The following FRMD6 variants were observed in gnomAD, a reference collection of about 807,000 sequenced individuals.
The protein encoded by FRMD6 is FERM domain-containing protein 6.
A neutral mutation model predicts 73.2 loss-of-function variants in FRMD6; 37 were observed. That is an observed-to-expected ratio of 0.51 (90% CI 0.39 to 0.66). FRMD6 has a LOEUF of 0.66. Among genes scored for constraint, FRMD6 ranks in the 30% least tolerant of loss-of-function variants. FRMD6 has a pLI of 0.00. For missense variants in FRMD6, 714 were observed against 780.5 expected (o/e 0.91, Z 1.02); for synonymous variants, 273 against 282.2 (o/e 0.97, Z 0.33).
At chr14:51,548,165 G>A (rs1448189173) in intron 1 of FRMD6, among the ~76,000 whole-genome samples, 1 of 152,108 alleles carries the variant, frequency 6.6e-6, no homozygotes, top group East Asian at 1.9e-4. Context: ...GTATCACTAA[G>A]GCTAAACAAC....
In FRMD6 at chr14:51,519,706, A is replaced by G. The variant is rs113949566; in HGVS notation, c.-210+30286A>G. ...CTGTAATGAAATAGTGTCTGTACTC[A>G]TTGCTGACTTTGTGCAGTGAAGAAG... On this transcript the variant is annotated intron_variant, in intron 1 of 14. Coordinates refer to the FRMD6 transcript ENST00000356218. 4.4e-3 allele frequency among the ~76,000 whole-genome samples: 673 copies of G among 152,268 alleles called. 2 individuals carry two copies. The highest frequency in any genetic ancestry group is 0.016 in the African/African-American group (649 of 41,550).
At chr14:51,420,155 A>T in the FRMD6 span, among the ~76,000 whole-genome samples, 1 of 152,258 alleles carries the variant, frequency 6.6e-6, no homozygotes, top group African/African-American at 2.4e-5. Flanking sequence ...ATAAAGTAAC[A>T]GATCCTTTAT....
rs1172824200 is a variant in FRMD6, at chr14:51,727,835, G to T, written c.1675G>T (p.Ala559Ser). Residue 559 changes from alanine (A) to serine (S), a missense_variant, in exon 14 of 14, where the codon GCA becomes TCA. By Grantham distance (99) the Ala-to-Ser change is moderately conservative. Coordinates refer to ENST00000344768, the MANE Select transcript of FRMD6 (RefSeq NM_001267046.2). ...TTACCAGAAAGACTTCCTGCGCATT[G>T]CAGGTCTGTGTCAGGACACTGCTCA... Reference protein sequence around the residue: ...RLYQKDFLRIAGLCQDTAQSY... With the variant: ...RLYQKDFLRISGLCQDTAQSY... The T allele has an allele frequency of 6.2e-7, 1 of 1,614,168 alleles. No homozygotes were observed.
chr14:51,582,317 A>C (rs1288385071), intron 2 of FRMD6, among the ~76,000 whole-genome samples: 2 of 152,130 alleles, frequency 1.3e-5, no homozygotes, highest in Non-Finnish European at 2.9e-5. Context: ...GTCCGTCAGG[A>C]TAGTCCGTCG....
At chr14:51,671,704 C>G (rs187677333) in intron 1 of FRMD6, among the ~76,000 whole-genome samples, 1 of 152,094 alleles carries the variant, frequency 6.6e-6, no homozygotes, top group Non-Finnish European at 1.5e-5. Flanking sequence ...TTTATGGGGA[C>G]AGTGCCCTAA....
intron 1 of FRMD6, among the ~76,000 whole-genome samples, chr14:51,653,790 T>G (rs1156643519): frequency 6.6e-6 from 1 of 152,238 alleles, no homozygotes; most frequent in African/African-American, 2.4e-5. Flanking sequence ...ATGAGACAGC[T>G]GGCATTTGAA....
At chr14:51,677,381 G>T (rs1488602443) in intron 1 of FRMD6, among the ~76,000 whole-genome samples, 1 of 151,968 alleles carries the variant, frequency 6.6e-6, no homozygotes, top group Non-Finnish European at 1.5e-5. Context: ...CTAGAAAACT[G>T]CAGTTCCTGT....
chr14:51,611,640 C>G (rs918916623), intron 2 of FRMD6, among the ~76,000 whole-genome samples: 2 of 152,152 alleles, frequency 1.3e-5, no homozygotes, highest in South Asian at 2.1e-4. Context: ...TAGGGTAGGG[C>G]CCAAGAATCT....
intron 1 of FRMD6, among the ~76,000 whole-genome samples, chr14:51,652,440 GC>G (rs1320590607): frequency 6.6e-6 from 1 of 152,148 alleles, no homozygotes; most frequent in Non-Finnish European, 1.5e-5. Flanking sequence ...TCCCTGGCGG[GC>G]CCCGGCACCC....
At chr14:51,402,860 G>A in the FRMD6 span, among the ~76,000 whole-genome samples, 4 of 152,022 alleles carry the variant, frequency 2.6e-5, no homozygotes, top group Non-Finnish European at 5.9e-5. Flanking sequence ...GGATGGTCTC[G>A]ATCTCCTAAC....
chr14:51,554,170 G>A (rs908323858), intron 1 of FRMD6, among the ~76,000 whole-genome samples: 5 of 152,102 alleles, frequency 3.3e-5, no homozygotes, highest in African/African-American at 7.2e-5. Flanking sequence ...GCTCCCAATG[G>A]CCAAAGCTGG....
the FRMD6 span, among the ~76,000 whole-genome samples, chr14:51,405,256 T>C: frequency 6.6e-6 from 1 of 152,232 alleles, no homozygotes. Context: ...TGTGTCTTTA[T>C]GGTAGAATGA....
chr14:51,630,188 A>G (rs1891283028), intron 2 of FRMD6, among the ~76,000 whole-genome samples: 1 of 152,142 alleles, frequency 6.6e-6, no homozygotes, highest in African/African-American at 2.4e-5. Context: ...AGAGGAAAAG[A>G]GAGGAAAGCA....
intron 2 of FRMD6, among the ~76,000 whole-genome samples, chr14:51,697,097 C>T (rs1286860383): frequency 6.6e-6 from 1 of 152,114 alleles, no homozygotes; most frequent in African/African-American, 2.4e-5. Context: ...TTATGGAAAG[C>T]AGTATGGGGG....
intron 1 of FRMD6, among the ~76,000 whole-genome samples, chr14:51,549,576 A>G (rs983619529): frequency 2.8e-5 from 4 of 143,306 alleles, no homozygotes; most frequent in Admixed American, 7.0e-5. Context: ...CAGCTGGAGT[A>G]TAAACTTTTT....
intron 1 of FRMD6, among the ~76,000 whole-genome samples, chr14:51,562,390 G>C (rs1368897594): frequency 6.6e-6 from 1 of 152,150 alleles, no homozygotes; most frequent in African/African-American, 2.4e-5. Flanking sequence ...CATGCATATT[G>C]CTCAGGCCAC....
chr14:51,436,916 G>C, the FRMD6 span: 1 of 996,508 alleles, frequency 1.0e-6, no homozygotes, highest in South Asian at 1.4e-5. Flanking sequence ...AGAAGAAGAA[G>C]ATGATGATGA....
intron 1 of FRMD6, among the ~76,000 whole-genome samples, chr14:51,682,182 T>A (rs1894847050): frequency 6.6e-6 from 1 of 152,212 alleles, no homozygotes; most frequent in African/African-American, 2.4e-5. Context: ...TACTTATATA[T>A]TCCCTGTAAG....
At chr14:51,652,325 T>G (rs1314939339) in intron 1 of FRMD6, 2 of 152,668 alleles carry the variant, frequency 1.3e-5, no homozygotes, top group Non-Finnish European at 2.9e-5. Context: ...TCGGGGCGGC[T>G]TCAGCGGCGG....
Sources: gnomAD v4.1 joint callset for allele counts (sites outside exome capture counted in the v4.1 genomes callset) on GRCh38, gnomAD v4.1.1 for gene constraint, MANE v1.5 for transcripts, NCBI Gene and HGNC (gene_info 2026-07-23, HGNC 2026-07-21) for gene names.